The following UGP2 variants were observed in gnomAD, a reference collection of about 807,000 sequenced individuals.
UGP2 encodes the protein UDP-glucose pyrophosphorylase 2.
A neutral mutation model predicts 49.0 loss-of-function variants in UGP2; 40 were observed. That is an observed-to-expected ratio of 0.82 (90% CI 0.63 to 1.06). The LOEUF (loss-of-function observed/expected upper bound fraction) is 1.06. Among genes scored for constraint, UGP2 ranks in the 50% least tolerant of loss-of-function variants. The pLI, the probability that UGP2 is intolerant of heterozygous loss-of-function variation, is 0.00. For synonymous variants in UGP2, 225 were observed against 213.0 expected (o/e 1.06, Z -0.49); for missense variants, 460 against 603.5 (o/e 0.76, Z 2.49).
intron 1 of UGP2, 91 bp from the exon 2 acceptor site, chr2:63,856,215 T>A: frequency 2.7e-6 from 4 of 1,495,040 alleles, no homozygotes; most frequent in Non-Finnish European, 2.7e-6. Flanking sequence ...CCCTTTTCAT[T>A]TGCTGAATAC....
At chr2:63,858,096 C>G (rs1346990680) in intron 3 of UGP2, 160 bp downstream of exon 3, 2 of 621,708 alleles carry the variant, frequency 3.2e-6, no homozygotes, top group East Asian at 5.8e-5. Context: ...ATGGAGACAG[C>G]CTTCAGCTCC....
intron 1 of UGP2, chr2:63,855,407 T>A (rs566720934): frequency 4.1e-6 from 2 of 484,824 alleles, no homozygotes; most frequent in Admixed American, 2.1e-5. Flanking sequence ...ATAATCCAGT[T>A]GTCCCTATTT....
At chr2:63,871,407 T>G (rs1273345882) in intron 3 of UGP2, among the ~76,000 whole-genome samples, 2 of 152,184 alleles carry the variant, frequency 1.3e-5, no homozygotes, top group African/African-American at 4.8e-5. Flanking sequence ...TGCCTCAGCC[T>G]CCTGAGTAGC....
intron 3 of UGP2, among the ~76,000 whole-genome samples, chr2:63,877,837 C>T (rs1249984233): frequency 1.3e-5 from 2 of 150,330 alleles, no homozygotes; most frequent in South Asian, 2.1e-4. Flanking sequence ...ACTAAAAATA[C>T]AAAAAATTAG....
chr2:63,852,942 C>T (rs1669137416), intron 1 of UGP2, among the ~76,000 whole-genome samples: 1 of 152,080 alleles, frequency 6.6e-6, no homozygotes, highest in Non-Finnish European at 1.5e-5. Flanking sequence ...TTGAGGTACC[C>T]AGCTGGGTAT....
intron 3 of UGP2, among the ~76,000 whole-genome samples, chr2:63,863,709 GT>G (rs1669998976): frequency 6.6e-6 from 1 of 152,150 alleles, no homozygotes; most frequent in South Asian, 2.1e-4. Context: ...ATTTGTTACT[GT>G]ATCTCATTTT....
chr2:63,887,550 A>G lies in UGP2; in HGVS notation c.1220A>G (p.Asn407Ser), dbSNP rs769799837. Residue 407 changes from asparagine (N) to serine (S), a missense_variant, in exon 8 of 10, where the codon AAC (asparagine) becomes AGC (serine). Transcript: ENST00000337130. ...TTSDLLLVMSNLYSLNAGSLT... is the reference protein window; with the variant it reads ...TTSDLLLVMSSLYSLNAGSLT... ...TCAGATCTCTTGCTGGTGATGTCAAACCTCTATAGTCTTAATGCAGGATCT... is the reference window on the plus strand; with the variant it reads ...TCAGATCTCTTGCTGGTGATGTCAAGCCTCTATAGTCTTAATGCAGGATCT... The G allele has an allele frequency of 6.2e-7, 1 of 1,614,092 alleles. No homozygotes were observed. The highest frequency in any genetic ancestry group is 8.5e-7 in the Non-Finnish European group (1 of 1,179,998).
chr2:63,881,511 T>G (rs767137429), intron 3 of UGP2, among the ~76,000 whole-genome samples: 37 of 152,240 alleles, frequency 2.4e-4, no homozygotes, highest in Admixed American at 1.5e-3. Flanking sequence ...TGAGGACCTA[T>G]TCCATTAAAG....
rs1575825333 is a variant in UGP2, at chr2:63,865,756, A to G, written c.255+7820A>G. Among the ~76,000 whole-genome samples, 6 of 152,060 alleles carry G rather than the reference A, an allele frequency of 3.9e-5. No homozygotes were observed. The South Asian group carries it at 1.2e-3, about 32-fold the overall frequency. On this transcript the variant is annotated intron_variant, in intron 3 of 9. Coordinates refer to ENST00000337130, the MANE Select transcript of UGP2 (RefSeq NM_006759.4). ...GTCTCGCTGTGTTACCCAGGCTGGT[A>G]ACTCCTGGGCTCAAGCGATTCTCCT...
chr2:63,887,222 G>T (rs1482037133), intron 7 of UGP2, among the ~76,000 whole-genome samples, 180 bp from the exon 8 acceptor site: 1 of 150,410 alleles, frequency 6.6e-6, no homozygotes, highest in Non-Finnish European at 1.5e-5. Context: ...CCGAGATTGC[G>T]CCACTGCACT....
At chr2:63,864,104 C>G (rs142050466) in intron 3 of UGP2, among the ~76,000 whole-genome samples, 15 of 152,222 alleles carry the variant, frequency 9.9e-5, no homozygotes, top group Non-Finnish European at 1.8e-4. Flanking sequence ...ATGCAAAGCT[C>G]TATATTCTGT....
At chr2:63,863,116 G>A (rs189800038) in intron 3 of UGP2, among the ~76,000 whole-genome samples, 7 of 152,262 alleles carry the variant, frequency 4.6e-5, no homozygotes, top group Admixed American at 6.5e-5. Context: ...CTATAAAAAG[G>A]TGATGAATAT....
Position 63,878,032 on chromosome 2 carries a change from A to G in UGP2, c.256-4434A>G, listed in dbSNP as rs904734350. 1.1e-3 allele frequency among the ~76,000 whole-genome samples: 152 copies of G among 140,364 alleles called. 1 individual carries two copies. In the Middle Eastern group the frequency reaches 0.012, roughly 11 times the overall value. The allele number at this position is 140,364 out of a possible 152,430, so 92.1% of individuals were successfully genotyped here. On this transcript the variant is annotated intron_variant, in intron 3 of 9. Coordinates refer to ENST00000337130, the MANE Select transcript of UGP2 (RefSeq NM_006759.4). ...AAAAAAAAAAAAAAAAAAAAAAAGA[A>G]GTCTGCATGCTTAGGACACATAAGT...
intron 3 of UGP2, among the ~76,000 whole-genome samples, chr2:63,871,015 A>C (rs1487286058): frequency 3.3e-5 from 5 of 152,370 alleles, no homozygotes; most frequent in African/African-American, 1.2e-4. Flanking sequence ...TACACACACA[A>C]AATATTTTTT....
chr2:63,872,077 A>T (rs1447244548), intron 3 of UGP2, among the ~76,000 whole-genome samples: 1 of 152,248 alleles, frequency 6.6e-6, no homozygotes, highest in African/African-American at 2.4e-5. Context: ...TATGAAAACA[A>T]GTGGCAGCTC....
intron 1 of UGP2, 63 bp from the exon 2 acceptor site, chr2:63,856,243 T>G (rs1669407601): frequency 6.3e-7 from 1 of 1,574,952 alleles, no homozygotes; most frequent in African/African-American, 1.4e-5. Context: ...CAGTTATAGC[T>G]TACCAGCTGT....
chr2:63,855,646 ATCC>A (rs1426478248), intron 1 of UGP2: 7 of 435,930 alleles, frequency 1.6e-5, no homozygotes, highest in African/African-American at 6.3e-5. Flanking sequence ...GGCTCAAGGT[ATCC>A]TCCTGCTTCA....
At chr2:63,889,931 G>GT in intron 8 of UGP2, 150 bp from the exon 9 acceptor site, 1 of 614,504 alleles carries the variant, frequency 1.6e-6, no homozygotes, top group Non-Finnish European at 2.9e-6. Flanking sequence ...AGCATATAAT[G>GT]AGTGCTTAAT....
At chr2:63,859,774 T>A (rs1378187984) in intron 3 of UGP2, among the ~76,000 whole-genome samples, 1 of 152,256 alleles carries the variant, frequency 6.6e-6, no homozygotes, top group African/African-American at 2.4e-5. Flanking sequence ...GTCTTTATTT[T>A]GAAGCATAAG....
Sources: allele counts gnomAD v4.1 joint callset (sites outside exome capture counted in the v4.1 genomes callset), GRCh38; gene constraint gnomAD v4.1.1; transcripts MANE v1.5; gene names NCBI Gene and HGNC (gene_info 2026-07-23, HGNC 2026-07-21).